The following CRACD variants were observed in gnomAD, a reference collection of about 807,000 sequenced individuals.
CRACD encodes capping protein-inhibiting regulator of actin dynamics.
In CRACD, 56 loss-of-function variants were observed where a neutral mutation model predicts 106.8. The observed-to-expected ratio is 0.52, with a 90% CI of 0.42 to 0.66. CRACD has a LOEUF of 0.66. Ranked by LOEUF, CRACD falls within the 30% of genes least tolerant of loss-of-function variation. The pLI, the probability that CRACD is intolerant of heterozygous loss-of-function variation, is 0.00. For synonymous variants in CRACD, 754 were observed against 670.8 expected, an observed-to-expected ratio of 1.12 and a Z score of -1.92; for missense variants, 1,730 against 1,623.2, an observed-to-expected ratio of 1.07 and a Z score of -1.13.
intron 1 of CRACD, among the ~76,000 whole-genome samples, chr4:56,067,748 G>A (rs1267169666): frequency 6.6e-6 from 1 of 152,074 alleles, no homozygotes; most frequent in Non-Finnish European, 1.5e-5. Context: ...GCTAATTTTT[G>A]TATTTTTAGT....
chr4:56,102,629 T>G (rs1025059426), intron 1 of CRACD, among the ~76,000 whole-genome samples: 2 of 152,202 alleles, frequency 1.3e-5, no homozygotes, highest in Admixed American at 1.3e-4. Flanking sequence ...CAATTACATA[T>G]GTGATCTTGT....
Position 56,330,037 on chromosome 4 carries a change from T to C in CRACD, c.*2233T>C, listed in dbSNP as rs891937359. On this transcript the variant is annotated 3_prime_UTR_variant, in exon 11 of 11. Transcript: ENST00000682029. ...TAAAGGGTACATGTTTAACATTTCATTTCAAAATCACCCCAAATTTGCACT... is the reference window on the plus strand; with the variant it reads ...TAAAGGGTACATGTTTAACATTTCACTTCAAAATCACCCCAAATTTGCACT... 6.6e-6 allele frequency among the ~76,000 whole-genome samples: 1 copy of C among 152,224 alleles called. No homozygotes were observed. Among genetic ancestry groups the C allele is most frequent in the Non-Finnish European group, 1.5e-5 (1 of 68,038 alleles).
intron 1 of CRACD, among the ~76,000 whole-genome samples, chr4:56,130,218 C>T (rs186570998): frequency 6.6e-6 from 1 of 152,090 alleles, no homozygotes; most frequent in Non-Finnish European, 1.5e-5. Flanking sequence ...CTATAGCAAG[C>T]CGTAAACTGT....
At chr4:56,111,865 G>A (rs1734134075) in intron 1 of CRACD, among the ~76,000 whole-genome samples, 3 of 152,080 alleles carry the variant, frequency 2.0e-5, no homozygotes, top group Admixed American at 2.0e-4. Context: ...AATTAATTTT[G>A]GTTCTTACAT....
intron 1 of CRACD, among the ~76,000 whole-genome samples, chr4:56,151,411 A>G (rs1735574614): frequency 6.6e-6 from 1 of 151,928 alleles, no homozygotes; most frequent in Non-Finnish European, 1.5e-5. Context: ...TTTTTTTAAC[A>G]GTCTCAAATT....
chr4:56,172,579 C>T (rs2109918869), intron 1 of CRACD, among the ~76,000 whole-genome samples: 1 of 152,266 alleles, frequency 6.6e-6, no homozygotes, highest in Middle Eastern at 3.4e-3. Context: ...TCTCCTGCCT[C>T]AGCCTCCTGA....
chr4:56,189,184 A>AC (rs1046591438), intron 2 of CRACD, among the ~76,000 whole-genome samples: 5 of 127,008 alleles, frequency 3.9e-5, no homozygotes, highest in African/African-American at 1.5e-4. Context: ...CCACTGTCTC[A>AC]AAAAAAAAAA....
intron 8 of CRACD, among the ~76,000 whole-genome samples, chr4:56,317,264 G>A (rs55959996): frequency 6.6e-6 from 1 of 152,138 alleles, no homozygotes; most frequent in African/African-American, 2.4e-5. Context: ...CAACGCCAGA[G>A]GCAGCCAGTG....
rs1560535448 is a variant in CRACD, at chr4:56,314,722, AG to A, written c.1223del (p.Gly408AlafsTer16). On this transcript the variant is annotated frameshift_variant, in exon 8 of 11. Coordinates refer to ENST00000682029, the MANE Select transcript of CRACD (RefSeq NM_001393381.1). LOFTEE classifies it high-confidence loss of function. This position sits in a 1 kb window ranked among gnomAD's most constrained non-coding sequence, Gnocchi z 4.4. ...EEEDLGEEEEEGQAHLEDWRG... is the reference protein window; with the variant it reads ...EEEDLGEEEEXGQAHLEDWRG... The stretch of plus-strand genomic sequence containing the variant: ...GAGGATCTGGGGGAAGAGGAGGAGG[AG>A]GGCCAGGCGCACCTGGAGGACTGGA... 6.4e-7 allele frequency: 1 copy of A among 1,568,932 alleles called. No homozygotes were observed. The highest frequency in any genetic ancestry group is 8.6e-7 in the Non-Finnish European group (1 of 1,157,242).
chr4:56,242,355 T>A (rs1239658900), intron 2 of CRACD, among the ~76,000 whole-genome samples: 1 of 152,122 alleles, frequency 6.6e-6, no homozygotes, highest in East Asian at 1.9e-4. Flanking sequence ...AGTAATAGCA[T>A]CATATACAGA....
rs1256373516 is a variant in CRACD at position 56,183,290 on chromosome 4, AG to A, written c.-189+3861del. Among the ~76,000 whole-genome samples, 161 of 75,332 alleles carry A rather than the reference AG, an allele frequency of 2.1e-3. 1 individual carries two copies. Among genetic ancestry groups the A allele is most frequent in the African/African-American group, 7.9e-3 (153 of 19,464 alleles). 49.4% of individuals were successfully genotyped at this position (75,332 alleles called of 152,430 possible). ...TAAAATAAAATAAAATAAAATAAAA[AG>A]AATTAGGGGATTTTGAAAGCCTTGA... On this transcript the variant is annotated intron_variant, in intron 2 of 10. Coordinates refer to ENST00000682029, the MANE Select transcript of CRACD (RefSeq NM_001393381.1).
At chr4:56,228,607 CAAAA>C (rs35810086) in intron 2 of CRACD, among the ~76,000 whole-genome samples, 25 of 101,502 alleles carry the variant, frequency 2.5e-4, no homozygotes, top group East Asian at 3.1e-4. Flanking sequence ...CCATCTCTAC[CAAAA>C]AAAAAAAAAA....
intron 1 of CRACD, among the ~76,000 whole-genome samples, chr4:56,162,202 A>ATT (rs112373957): frequency 2.7e-5 from 4 of 150,526 alleles, no homozygotes; most frequent in African/African-American, 7.3e-5. Context: ...AATTATTATT[A>ATT]TTTTTTTTTA....
rs1407172330 is a variant in CRACD, at chr4:56,314,729, G to A, written c.1227G>A (p.Gln409=). The A allele has an allele frequency of 1.3e-6, 2 of 1,573,230 alleles. No individual in the cohort carries two copies. The highest frequency in any genetic ancestry group is 2.3e-5 in the South Asian group (2 of 85,806). ...EDLGEEEEEG[Q]AHLEDWRGQL... ...TGGGGGAAGAGGAGGAGGAGGGCCA[G>A]GCGCACCTGGAGGACTGGAGGGGGC... The change falls in exon 8 of 11, where the codon CAG becomes CAA. Residue 409 remains glutamine (Q), a synonymous_variant. Transcript: ENST00000682029. The surrounding 1 kb of genome is among the most constrained non-coding windows in gnomAD (Gnocchi z 4.4).
At chr4:56,263,899 A>ATC (rs953083264) in intron 2 of CRACD, among the ~76,000 whole-genome samples, 11 of 152,096 alleles carry the variant, frequency 7.2e-5, no homozygotes, top group Non-Finnish European at 1.2e-4. Context: ...GTTGTGCCCG[A>ATC]TCTCTCTCTC....
At chr4:56,254,036 C>G (rs1486059482) in intron 2 of CRACD, among the ~76,000 whole-genome samples, 1 of 152,220 alleles carries the variant, frequency 6.6e-6, no homozygotes, top group Non-Finnish European at 1.5e-5. Flanking sequence ...CCACCAGTAT[C>G]TGGTGCATGA....
intron 4 of CRACD, among the ~76,000 whole-genome samples, 190 bp downstream of exon 4, chr4:56,298,539 C>T (rs1744184536): frequency 6.6e-6 from 1 of 152,194 alleles, no homozygotes; most frequent in Admixed American, 6.5e-5. Context: ...AAGAGCTACA[C>T]TATCACCACT....
intron 2 of CRACD, among the ~76,000 whole-genome samples, chr4:56,190,635 G>T (rs537915345): frequency 6.6e-6 from 1 of 152,134 alleles, no homozygotes; most frequent in Admixed American, 6.5e-5. Context: ...GGACAGCTCT[G>T]TCCCTGTAGC....
At position 56,323,438 on chromosome 4, in the gene CRACD, A is replaced by T. The variant is rs181299724; in HGVS notation, c.3249A>T (p.Glu1083Asp). 1.2e-6 allele frequency: 2 copies of T among 1,611,446 alleles called. No individual in the cohort carries two copies. The highest frequency in any genetic ancestry group is 3.4e-5 in the Admixed American group (2 of 59,150). Residue 1083 changes from glutamate to aspartate, a missense_variant, in exon 9 of 11, where the codon GAA (glutamate) becomes GAT (aspartate). Transcript: ENST00000682029. Reference protein sequence around the residue: ...LDGSKLTEKVETAQPLWITLA... With the variant: ...LDGSKLTEKVDTAQPLWITLA... The stretch of plus-strand genomic sequence containing the variant: ...GCTCCAAACTTACAGAGAAAGTGGA[A>T]ACTGCTCAGCCGCTGTGGATAACGT...
Sources: allele counts gnomAD v4.1 joint callset (sites outside exome capture counted in the v4.1 genomes callset), GRCh38; gene constraint gnomAD v4.1.1; non-coding constraint Gnocchi (gnomAD v3.1); transcripts MANE v1.5; gene names NCBI Gene and HGNC (gene_info 2026-07-23, HGNC 2026-07-21).